The following ZDHHC21 variants were observed in gnomAD, a reference collection of about 807,000 sequenced individuals.
ZDHHC21 encodes palmitoyltransferase ZDHHC21.
ZDHHC21 carries 15 observed loss-of-function variants against 34.6 expected under a neutral mutation model. That is an observed-to-expected ratio of 0.43 (90% CI 0.29 to 0.67). The LOEUF is 0.67. ZDHHC21 is among the 30% of genes least tolerant of loss of function. The pLI, the probability that ZDHHC21 is intolerant of heterozygous loss-of-function variation, is 0.14. For missense variants in ZDHHC21, 344 were observed against 327.7 expected, an observed-to-expected ratio of 1.05 and a Z score of -0.38; for synonymous variants, 142 against 101.8, an observed-to-expected ratio of 1.40 and a Z score of -2.38.
At chr9:14,676,674 T>C (rs563397596) in intron 3 of ZDHHC21, among the ~76,000 whole-genome samples, 3 of 152,100 alleles carry the variant, frequency 2.0e-5, no homozygotes, top group East Asian at 1.9e-4. Flanking sequence ...AAAAGACAGA[T>C]TGGTATCATT....
chr9:14,674,408 A>G, intron 3 of ZDHHC21, 23 bp from the exon 4 acceptor site: 1 of 1,448,006 alleles, frequency 6.9e-7, no homozygotes, highest in Non-Finnish European at 9.2e-7. Flanking sequence ...AACAAAGAAA[A>G]TAATTACTTA....
intron 8 of ZDHHC21, among the ~76,000 whole-genome samples, chr9:14,626,227 A>G (rs1826182635): frequency 6.6e-6 from 1 of 151,972 alleles, no homozygotes; most frequent in South Asian, 2.1e-4. Context: ...AATAAAATGT[A>G]CATAAATTAT....
intron 8 of ZDHHC21, among the ~76,000 whole-genome samples, chr9:14,621,278 T>C (rs1241078957): frequency 1.3e-5 from 2 of 151,992 alleles, no homozygotes; most frequent in Non-Finnish European, 2.9e-5. Flanking sequence ...CCATGGTATA[T>C]AAGGCAAATG....
At chr9:14,597,198 T>C in the ZDHHC21 span, among the ~76,000 whole-genome samples, 1 of 151,806 alleles carries the variant, frequency 6.6e-6, no homozygotes, top group African/African-American at 2.4e-5. Flanking sequence ...ATGGTGCCAT[T>C]TGAGAGCTCA....
At chr9:14,662,940 GT>G (rs1833672095) in intron 5 of ZDHHC21, among the ~76,000 whole-genome samples, 1 of 152,150 alleles carries the variant, frequency 6.6e-6, no homozygotes, top group African/African-American at 2.4e-5. Flanking sequence ...AGTTTCAGTA[GT>G]GAAAAATGTT....
intron 8 of ZDHHC21, chr9:14,622,392 A>C (rs961122027): frequency 7.8e-6 from 2 of 254,786 alleles, no homozygotes; most frequent in East Asian, 1.8e-4. Context: ...CTAAGTAGTA[A>C]AATTATACCT....
intron 2 of ZDHHC21, among the ~76,000 whole-genome samples, chr9:14,688,089 T>G (rs1347139773): frequency 6.7e-6 from 1 of 149,006 alleles, no homozygotes; most frequent in Admixed American, 6.6e-5. Context: ...AAATATCACA[T>G]AGATATTCAG....
chr9:14,601,452 T>C, the ZDHHC21 span, among the ~76,000 whole-genome samples: 13 of 152,250 alleles, frequency 8.5e-5, no homozygotes, highest in African/African-American at 2.9e-4. Flanking sequence ...TGAGATACCA[T>C]CTCATGCCAG....
At chr9:14,662,185 T>C (rs1833520126) in intron 6 of ZDHHC21, 30 bp downstream of exon 6, 2 of 1,495,094 alleles carry the variant, frequency 1.3e-6, no homozygotes, top group South Asian at 2.4e-5. Flanking sequence ...CCCACCCCTC[T>C]TTTCTTTGCT....
At chr9:14,595,182 T>C in the ZDHHC21 span, among the ~76,000 whole-genome samples, 13 of 152,140 alleles carry the variant, frequency 8.5e-5, no homozygotes, top group African/African-American at 3.1e-4. Context: ...CCCAGATAAA[T>C]AAAACATATG....
intron 7 of ZDHHC21, among the ~76,000 whole-genome samples, chr9:14,651,195 A>G (rs968760288): frequency 4.6e-5 from 7 of 151,948 alleles, no homozygotes; most frequent in African/African-American, 7.2e-5. Flanking sequence ...TTTATAAGAT[A>G]TAACAGACTG....
the ZDHHC21 span, chr9:14,594,195 T>G: frequency 6.6e-6 from 1 of 152,192 alleles, no homozygotes. Flanking sequence ...GCAATGGGCA[T>G]GGTGAGCAGC....
chr9:14,669,445 C>T (rs1430746788), intron 5 of ZDHHC21, among the ~76,000 whole-genome samples: 1 of 148,248 alleles, frequency 6.7e-6, no homozygotes, highest in Admixed American at 6.8e-5. Flanking sequence ...GTCAGTGTGG[C>T]GATTCCTCAG....
downstream of ZDHHC21, among the ~76,000 whole-genome samples, chr9:14,609,875 T>G (rs929641657): frequency 6.6e-6 from 1 of 152,034 alleles, no homozygotes; most frequent in Non-Finnish European, 1.5e-5. Flanking sequence ...TACTCCTCCT[T>G]TTTCCAACTA....
At chr9:14,667,527 GC>G (rs1174477227) in intron 5 of ZDHHC21, among the ~76,000 whole-genome samples, 1 of 136,732 alleles carries the variant, frequency 7.3e-6, no homozygotes, top group Admixed American at 7.3e-5. Flanking sequence ...TGATACCAAA[GC>G]CGGGCAGAGA....
the ZDHHC21 span, among the ~76,000 whole-genome samples, chr9:14,591,038 C>G: frequency 6.6e-6 from 1 of 151,974 alleles, no homozygotes; most frequent in Non-Finnish European, 1.5e-5. Flanking sequence ...ACAGTAATAT[C>G]TAAGGGTAGT....
chr9:14,648,318 T>TC (rs1484473421), intron 7 of ZDHHC21, among the ~76,000 whole-genome samples: 1 of 50,430 alleles, frequency 2.0e-5, no homozygotes, highest in South Asian at 5.4e-4. Context: ...AGCAATCAGG[T>TC]TTTTTTTACT....
In ZDHHC21 at chr9:14,617,730, T is replaced by C. The variant is rs997543373; in HGVS notation, c.*1236A>G. On this transcript the variant is annotated 3_prime_UTR_variant, in exon 10 of 10. Coordinates refer to ENST00000380916, the MANE Select transcript of ZDHHC21 (RefSeq NM_178566.6). The stretch of plus-strand genomic sequence containing the variant: ...CCTTGCAAAAGAACATCACTATTAG[T>C]AATTTACATTTGTACAAGGCTAATG... 6.6e-6 allele frequency: 1 copy of C among 152,048 alleles called. No homozygotes were observed. The highest frequency in any genetic ancestry group is 1.9e-4 in the East Asian group (1 of 5,178). 9.4% of individuals were successfully genotyped at this position (152,048 alleles called of 1,614,324 possible).
rs1472324851 is a variant in ZDHHC21 at position 14,619,001 on chromosome 9, G to C, written c.763C>G (p.Leu255Val). ...TTGGCAAAGTGGTAGGGAACTCGCAGTGGTTGCCTCTGCCTGAAAGGAATG... is the reference window on the plus strand; with the variant it reads ...TTGGCAAAGTGGTAGGGAACTCGCACTGGTTGCCTCTGCCTGAAAGGAATG... The part of the protein sequence containing the change: ...WFIPFRQRQP[L>V]RVPYHFANHV The change falls in exon 10 of 10, where the codon CTG (leucine) becomes GTG (valine). Residue 255 changes from leucine (L) to valine (V), a missense_variant. By Grantham distance (32) the Leu-to-Val change is conservative (BLOSUM62 1). Transcript: ENST00000380916. 1 of 1,611,660 alleles carries C rather than the reference G, an allele frequency of 6.2e-7. No homozygotes were observed. The highest frequency in any genetic ancestry group is 1.3e-5 in the African/African-American group (1 of 74,804).
Sources: gnomAD v4.1 joint callset for allele counts (sites outside exome capture counted in the v4.1 genomes callset) on GRCh38, gnomAD v4.1.1 for gene constraint, MANE v1.5 for transcripts, NCBI Gene and HGNC (gene_info 2026-07-23, HGNC 2026-07-21) for gene names.